CNTLN: variants seen among roughly 807,000 people sequenced by gnomAD.
The protein encoded by CNTLN is centlein.
CNTLN carries 212 observed loss-of-function variants against 180.0 expected under a neutral mutation model. That is an observed-to-expected ratio of 1.18 (90% CI 1.05 to 1.32). The LOEUF (loss-of-function observed/expected upper bound fraction) is 1.32. CNTLN is among the 40% of genes most tolerant of loss of function. CNTLN has a pLI of 0.00. For synonymous variants in CNTLN, 722 were observed against 563.1 expected (o/e 1.28, Z -3.99); for missense variants, 2,095 against 1,610.9 (o/e 1.30, Z -5.14).
intron 2 of CNTLN, among the ~76,000 whole-genome samples, chr9:17,156,653 A>G (rs968352099): frequency 6.6e-6 from 1 of 152,166 alleles, no homozygotes; most frequent in African/African-American, 2.4e-5. Context: ...ATTTTGGCAA[A>G]AATAATCTTT....
At chr9:17,240,984 G>A (rs905611188) in intron 5 of CNTLN, among the ~76,000 whole-genome samples, 9 of 152,046 alleles carry the variant, frequency 5.9e-5, no homozygotes, top group South Asian at 4.2e-4. Context: ...TCAGCCTCCC[G>A]AGGAGCTGGG....
In CNTLN at chr9:17,179,472, C is replaced by T. The variant is rs1306483779; in HGVS notation, c.449+36096C>T. Among the ~76,000 whole-genome samples, 13 of 152,162 alleles carry T rather than the reference C, an allele frequency of 8.5e-5. No individual in the cohort carries two copies. The East Asian group carries it at 2.5e-3, about 29-fold the overall frequency. On this transcript the variant is annotated intron_variant, in intron 2 of 25. Transcript: ENST00000380647. Reference sequence around the variant, plus strand: ...ATGTAGAAATGTGTTATTTAATTTTCAAGTGTTTGGCGATTTTTCCTTTGC... The same window carrying T: ...ATGTAGAAATGTGTTATTTAATTTTTAAGTGTTTGGCGATTTTTCCTTTGC...
At chr9:17,407,611 T>C (rs1587912097) in intron 15 of CNTLN, among the ~76,000 whole-genome samples, 1 of 152,346 alleles carries the variant, frequency 6.6e-6, no homozygotes, top group African/African-American at 2.4e-5. Context: ...GTGGCTTTAA[T>C]AGTTGTCTGG....
chr9:17,146,596 A>G (rs190978533), intron 2 of CNTLN, among the ~76,000 whole-genome samples: 1 of 152,254 alleles, frequency 6.6e-6, no homozygotes, highest in East Asian at 1.9e-4. Context: ...ATTTACATGG[A>G]ACAGACCCTT....
intron 13 of CNTLN, among the ~76,000 whole-genome samples, chr9:17,382,046 A>G (rs546696293): frequency 3.3e-5 from 5 of 152,208 alleles, no homozygotes; most frequent in Non-Finnish European, 7.3e-5. Flanking sequence ...TGAAAGGAGT[A>G]AGCATTTGCT....
chr9:17,290,737 A>G (rs1022814935), intron 6 of CNTLN, among the ~76,000 whole-genome samples: 3 of 151,600 alleles, frequency 2.0e-5, no homozygotes, highest in South Asian at 2.1e-4. Context: ...GCCGGTCTGA[A>G]AAGCGCAATA....
Position 17,143,360 on chromosome 9 carries a change from A to G in CNTLN, c.433A>G (p.Ser145Gly). 2 of 1,613,478 alleles carry G rather than the reference A, an allele frequency of 1.2e-6. No individual in the cohort carries two copies. The highest frequency in any genetic ancestry group is 1.7e-6 in the Non-Finnish European group (2 of 1,179,584). The change falls in exon 2 of 26, where the codon AGT (serine) becomes GGT (glycine). Residue 145 changes from serine to glycine, a missense_variant. Coordinates refer to ENST00000380647, the MANE Select transcript of CNTLN (RefSeq NM_017738.4). ...VTNPDLTQVV[S>G]LVVEREKQKS... ...AAACCCAGATCTCACACAAGTGGTCAGTTTGGTTGTGGAAAGGTGAGCTCT... is the reference window on the plus strand; with the variant it reads ...AAACCCAGATCTCACACAAGTGGTCGGTTTGGTTGTGGAAAGGTGAGCTCT...
intron 5 of CNTLN, among the ~76,000 whole-genome samples, chr9:17,247,664 T>C (rs1252970181): frequency 1.3e-5 from 2 of 152,288 alleles, no homozygotes; most frequent in South Asian, 4.1e-4. Flanking sequence ...TTCAATATGG[T>C]GTTCGTGCAT....
At chr9:17,300,348 C>T (rs982190552) in intron 7 of CNTLN, 1 of 152,120 alleles carries the variant, frequency 6.6e-6, no homozygotes, top group African/African-American at 2.4e-5. Context: ...ATTTGTTTAT[C>T]TACCTTGGAT....
At chr9:17,301,777 G>C (rs1473259465) in intron 7 of CNTLN, 1 of 975,432 alleles carries the variant, frequency 1.0e-6, no homozygotes, top group Non-Finnish European at 1.2e-6. Flanking sequence ...TTTGGTGGCT[G>C]TATGTAGTTA....
chr9:17,183,908 A>G (rs1464213477), intron 2 of CNTLN, among the ~76,000 whole-genome samples: 1 of 152,108 alleles, frequency 6.6e-6, no homozygotes, highest in Non-Finnish European at 1.5e-5. Flanking sequence ...TTCACCAGAT[A>G]AGAAATGTAC....
intron 2 of CNTLN, among the ~76,000 whole-genome samples, chr9:17,168,760 T>C (rs1820246143): frequency 6.6e-6 from 1 of 152,212 alleles, no homozygotes. Context: ...AAAGACCTTT[T>C]TTTTCAGTTT....
intron 2 of CNTLN, among the ~76,000 whole-genome samples, chr9:17,182,110 T>C (rs1054706424): frequency 1.3e-5 from 2 of 152,168 alleles, no homozygotes; most frequent in African/African-American, 2.4e-5. Flanking sequence ...CTTGCAAAGA[T>C]TGAAGTCTAG....
chr9:17,456,046 T>G (rs185959822), intron 18 of CNTLN, among the ~76,000 whole-genome samples: 5 of 152,034 alleles, frequency 3.3e-5, no homozygotes, highest in Non-Finnish European at 7.4e-5. Flanking sequence ...AGGGTTGTTG[T>G]AATAATCTTA....
chr9:17,283,954 C>T (rs796393444), intron 6 of CNTLN, among the ~76,000 whole-genome samples: 17 of 152,218 alleles, frequency 1.1e-4, no homozygotes, highest in African/African-American at 3.6e-4. Context: ...CTGACTTGAT[C>T]GTGGTGGATA....
intron 5 of CNTLN, among the ~76,000 whole-genome samples, chr9:17,270,559 C>A (rs1827857756): frequency 6.6e-6 from 1 of 152,092 alleles, no homozygotes; most frequent in Non-Finnish European, 1.5e-5. Context: ...TGAAATGTTC[C>A]TTTTTATGTC....
chr9:17,472,662 C>T (rs1034037963), intron 23 of CNTLN, among the ~76,000 whole-genome samples: 8 of 152,064 alleles, frequency 5.3e-5, no homozygotes, highest in African/African-American at 1.9e-4. Flanking sequence ...ACCCAGGAGC[C>T]AGGGTGGTTA....
At chr9:17,366,961 C>T (rs1823873432) in intron 13 of CNTLN, among the ~76,000 whole-genome samples, 1 of 152,078 alleles carries the variant, frequency 6.6e-6, no homozygotes, top group South Asian at 2.1e-4. Context: ...AAATAGAAGA[C>T]TTTATGCTGT....
intron 25 of CNTLN, among the ~76,000 whole-genome samples, chr9:17,501,506 GAC>G (rs201809461): frequency 2.8e-3 from 427 of 152,240 alleles, no homozygotes; most frequent in African/African-American, 9.7e-3. Context: ...TTTAATTATA[GAC>G]ACCTTAGCGG....
Sources: gnomAD v4.1 joint callset for allele counts (sites outside exome capture counted in the v4.1 genomes callset) on GRCh38, gnomAD v4.1.1 for gene constraint, MANE v1.5 for transcripts, NCBI Gene and HGNC (gene_info 2026-07-23, HGNC 2026-07-21) for gene names.